Variants in CABP4 observed in about 807,000 individuals in gnomAD.
CABP4 encodes calcium-binding protein 4.
A neutral mutation model predicts 30.7 loss-of-function variants in CABP4; 30 were observed. The ratio of observed to expected loss-of-function variants is 0.98; its 90% CI spans 0.73 to 1.33. The LOEUF is 1.33. Among genes scored for constraint, CABP4 ranks in the 40% most tolerant of loss-of-function variants. The pLI is 0.00. For missense variants in CABP4, 424 were observed against 395.5 expected (o/e 1.07, Z -0.61); for synonymous variants, 161 against 159.2 (o/e 1.01, Z -0.08).
At chr11:67,454,183 C>T (rs1590996896), upstream of CABP4, among the ~76,000 whole-genome samples, 1 of 152,240 alleles carries the variant, frequency 6.6e-6, no homozygotes, top group African/African-American at 2.4e-5. Context: ...TTGGAGGGCA[C>T]CCAGACCTGG....
chr11:67,458,957 A>G lies in CABP4; in HGVS notation c.*298A>G. The G allele has an allele frequency of 2.0e-6, 1 of 510,030 alleles. No homozygotes were observed. The highest frequency in any genetic ancestry group is 2.1e-5 in the South Asian group (1 of 48,084). The allele number at this position is 510,030 out of a possible 1,614,324, so 31.6% of individuals were successfully genotyped here. A position where few individuals can be genotyped will look rare whatever the true frequency, so the allele number is the denominator to read the frequency against. ...TCTGGGAGGTAGGGAGTTCCCTGGC[A>G]CTGGCAGCATTCAGTGGGGACCCCC... On this transcript the variant is annotated 3_prime_UTR_variant, in exon 6 of 6. Transcript: ENST00000325656.
rs1313608235 is a variant in CABP4, at chr11:67,455,506, C to G, written c.83C>G (p.Pro28Arg). ...AAGCCCCCTGCGGGGGTTGTGACTC[C>G]CAAGAGTGATGCAGAGGAGCCCCCG... is the stretch of plus-strand genomic sequence containing the variant. Reference protein sequence around the residue: ...RQKPPAGVVTPKSDAEEPPLT... With the variant: ...RQKPPAGVVTRKSDAEEPPLT... Residue 28 changes from proline to arginine, a missense_variant, in exon 1 of 6, where the codon CCC becomes CGC. Physicochemically the swap from Pro to Arg is moderately radical, Grantham distance 103. Transcript: ENST00000325656. 2 of 1,605,732 alleles carry G rather than the reference C, an allele frequency of 1.2e-6. No homozygotes were observed. The highest frequency in any genetic ancestry group is 1.1e-5 in the South Asian group (1 of 89,718).
chr11:67,455,855 C>T, intron 1 of CABP4, 66 bp downstream of exon 1: 2 of 1,522,594 alleles, frequency 1.3e-6, no homozygotes, highest in South Asian at 1.2e-5. Context: ...CCCTTGGGCT[C>T]AGCTCACCCT....
rs1047325440 is a variant in CABP4 at position 67,459,053 on chromosome 11, T to A, written c.*394T>A. 44 of 262,120 alleles carry A rather than the reference T, an allele frequency of 1.7e-4. No individual in the cohort carries two copies. In the East Asian group the frequency reaches 3.8e-3, roughly 23 times the overall value. The allele number at this position is 262,120 out of a possible 1,614,324, so 16.2% of individuals were successfully genotyped here. A position where few individuals can be genotyped will look rare whatever the true frequency, so the allele number is the denominator to read the frequency against. On this transcript the variant is annotated 3_prime_UTR_variant, in exon 6 of 6. Coordinates refer to ENST00000325656, the MANE Select transcript of CABP4 (RefSeq NM_145200.5). ...TTATGTTTATAATTTTTTTTTTTTT[T>A]AATGAACTTGAGCCGGGTGCAGTGG...
At chr11:67,455,341 G>A, upstream of CABP4, 1 of 1,510,042 alleles carries the variant, frequency 6.6e-7, no homozygotes, top group Non-Finnish European at 8.9e-7. Context: ...TCTAAGAGTG[G>A]GGGTGCATAA....
upstream of CABP4, chr11:67,452,411 C>T (rs201384962): frequency 5.0e-5 from 81 of 1,612,728 alleles, no homozygotes; most frequent in Admixed American, 6.7e-5. Context: ...GTAGTAGAAG[C>T]GGCAGGCAGC....
At chr11:67,457,724 G>A (rs1339522817) in intron 4 of CABP4, 42 bp downstream of exon 4, 1 of 1,488,362 alleles carries the variant, frequency 6.7e-7, no homozygotes, top group South Asian at 1.2e-5. Context: ...GCAGGGCTGG[G>A]TGGCATCCTT....
At chr11:67,455,938 G>A (rs1864770011) in intron 1 of CABP4, 149 bp downstream of exon 1, 1 of 1,281,624 alleles carries the variant, frequency 7.8e-7, no homozygotes, top group East Asian at 2.5e-5. Flanking sequence ...CTGCGGTTTG[G>A]GGAAGGGTAG....
chr11:67,456,566 C>A, intron 3 of CABP4, 124 bp downstream of exon 3: 1 of 1,244,104 alleles, frequency 8.0e-7, no homozygotes, highest in Non-Finnish European at 1.1e-6. Flanking sequence ...GTGGCGGTTT[C>A]CAGGCAGGGG....
In CABP4 at chr11:67,456,494, C is replaced by T. The variant is rs377270560; in HGVS notation, c.541+52C>T. The stretch of plus-strand genomic sequence containing the variant: ...GCAGCCTGCGTAGTTCAGGGGGTCA[C>T]GAGGGGCTGGCAGGAGGTGGCCCTT... On this transcript the variant is annotated intron_variant, in intron 3 of 5. Transcript: ENST00000325656. 3.4e-4 allele frequency: 549 copies of T among 1,596,922 alleles called. 2 individuals carry two copies. The highest frequency in any genetic ancestry group is 4.2e-4 in the Non-Finnish European group (496 of 1,177,540).
chr11:67,455,416 C>A lies in CABP4; in HGVS notation c.-8C>A. 6.2e-7 allele frequency: 1 copy of A among 1,604,068 alleles called. No homozygotes were observed. Among genetic ancestry groups the A allele is most frequent in the Non-Finnish European group, 8.5e-7 (1 of 1,175,860 alleles). On this transcript the variant is annotated 5_prime_UTR_variant, in exon 1 of 6. Coordinates refer to ENST00000325656, the MANE Select transcript of CABP4 (RefSeq NM_145200.5). ...TGTGGTGTCTCTGAGCCCTGTTATC[C>A]CTCCCCCATGACCACAGAGCAGGCA...
In CABP4 at chr11:67,457,566, T is replaced by C. The variant is rs778453952; in HGVS notation, c.542-7T>C. 5 of 1,573,702 alleles carry C rather than the reference T, an allele frequency of 3.2e-6. No individual in the cohort carries two copies. In the Admixed American group the frequency reaches 7.5e-5, roughly 24 times the overall value. ...TCACCATTGTGACACTCTTCCTGGGTCTGCAGTGGGCGGCCGTGTGGACTT... is the reference window on the plus strand; with the variant it reads ...TCACCATTGTGACACTCTTCCTGGGCCTGCAGTGGGCGGCCGTGTGGACTT... On this transcript the variant is annotated splice_region_variant and splice_polypyrimidine_tract_variant and intron_variant, in intron 3 of 5. Coordinates refer to ENST00000325656, the MANE Select transcript of CABP4 (RefSeq NM_145200.5).
chr11:67,455,488 C>CT lies in CABP4; in HGVS notation c.66dup (p.Ala23CysfsTer9), dbSNP rs1864734117. 2 of 1,608,852 alleles carry CT rather than the reference C, an allele frequency of 1.2e-6. No individual in the cohort carries two copies. Among genetic ancestry groups the CT allele is most frequent in the Non-Finnish European group, 8.5e-7 (1 of 1,178,522 alleles). ...CTGGCCATTGGCCGTCAGAAGCCCC[C>CT]TGCGGGGGTTGTGACTCCCAAGAGT... On this transcript the variant is annotated frameshift_variant, in exon 1 of 6. Transcript: ENST00000325656. LOFTEE classifies it high-confidence loss of function.
chr11:67,454,453 C>T (rs549324405), upstream of CABP4, among the ~76,000 whole-genome samples: 20 of 152,258 alleles, frequency 1.3e-4, no homozygotes, highest in African/African-American at 4.1e-4. Context: ...CCAGGCACCC[C>T]GAGACTGGGG....
chr11:67,456,152 C>T (rs1387296002), intron 1 of CABP4, 36 bp from the exon 2 acceptor site: 4 of 1,612,952 alleles, frequency 2.5e-6, no homozygotes, highest in Non-Finnish European at 3.4e-6. Context: ...AGAGCCGTGG[C>T]TGGCCCTGGG....
rs1352471286 is a variant in CABP4 at position 67,460,504 on chromosome 11, A to G, written c.*1845A>G. Among the ~76,000 whole-genome samples, 1 of 117,736 alleles carries G rather than the reference A, an allele frequency of 8.5e-6. No individual in the cohort carries two copies. Among genetic ancestry groups the G allele is most frequent in the Non-Finnish European group, 1.7e-5 (1 of 58,528 alleles). 77.2% of individuals were successfully genotyped at this position (117,736 alleles called of 152,430 possible). A position where few individuals can be genotyped will look rare whatever the true frequency, so the allele number is the denominator to read the frequency against. ...ATGGCTTCTGTTAAAAAAATAAAGT[A>G]TATTTTATATATACACACACACACA... On this transcript the variant is annotated 3_prime_UTR_variant, in exon 6 of 6. Coordinates refer to ENST00000325656, the MANE Select transcript of CABP4 (RefSeq NM_145200.5).
intron 4 of CABP4, 25 bp from the exon 5 acceptor site, chr11:67,458,346 G>A (rs1222225704): frequency 1.3e-6 from 2 of 1,590,188 alleles, no homozygotes; most frequent in Non-Finnish European, 1.7e-6. Context: ...TGGGTGGGAG[G>A]GGCTGAGCTT....
chr11:67,455,529 C>A lies in CABP4; in HGVS notation c.106C>A (p.Pro36Thr), dbSNP rs756296532. ...TCCCAAGAGTGATGCAGAGGAGCCCCCGTTGACCAGGAAGAGGAGCAAGAA... is the reference window on the plus strand; with the variant it reads ...TCCCAAGAGTGATGCAGAGGAGCCCACGTTGACCAGGAAGAGGAGCAAGAA... Reference protein sequence around the residue: ...VTPKSDAEEPPLTRKRSKKER... With the variant: ...VTPKSDAEEPTLTRKRSKKER... Residue 36 changes from proline (P) to threonine (T), a missense_variant, in exon 1 of 6, where the codon CCG becomes ACG. Pro to Thr is a conservative substitution (Grantham distance 38). Coordinates refer to ENST00000325656, the MANE Select transcript of CABP4 (RefSeq NM_145200.5). The A allele has an allele frequency of 1.2e-6, 2 of 1,603,502 alleles. No individual in the cohort carries two copies. The highest frequency in any genetic ancestry group is 2.2e-5 in the East Asian group (1 of 44,610).
At position 67,459,655 on chromosome 11, in the gene CABP4, A is replaced by G. The variant is rs1273822665; in HGVS notation, c.*996A>G. On this transcript the variant is annotated 3_prime_UTR_variant, in exon 6 of 6. Coordinates refer to ENST00000325656, the MANE Select transcript of CABP4 (RefSeq NM_145200.5). ...TCCCAAAGGGGAACTTGTGATAAAA[A>G]TTACAGATTATTGGGCTGGGAGTGG... The G allele has an allele frequency of 6.6e-6, 1 of 152,234 alleles. No homozygotes were observed. Among genetic ancestry groups the G allele is most frequent in the Admixed American group, 6.5e-5 (1 of 15,280 alleles). The allele number at this position is 152,234 out of a possible 1,614,324, so 9.4% of individuals were successfully genotyped here. A position where few individuals can be genotyped will look rare whatever the true frequency, so the allele number is the denominator to read the frequency against.
Sources: allele counts gnomAD v4.1 joint callset (sites outside exome capture counted in the v4.1 genomes callset), GRCh38; gene constraint gnomAD v4.1.1; transcripts MANE v1.5; gene names NCBI Gene and HGNC (gene_info 2026-07-23, HGNC 2026-07-21).